Variants in EVC observed in about 807,000 individuals in gnomAD.
EVC encodes the protein evC complex member EVC.
Under a neutral mutation model 118.9 loss-of-function variants are expected in EVC, and 116 were observed. That is an observed-to-expected ratio of 0.98 (90% confidence interval 0.84 to 1.14). The LOEUF (loss-of-function observed/expected upper bound fraction) is 1.14, where lower values mean the gene tolerates loss of function less well. Among genes scored for constraint, EVC ranks in the 50% most tolerant of loss-of-function variants. EVC has a pLI of 0.00. For synonymous variants in EVC, 619 were observed against 534.7 expected, an observed-to-expected ratio of 1.16 and a Z score of -2.18; for missense variants, 1,401 against 1,246.4, an observed-to-expected ratio of 1.12 and a Z score of -1.87.
intron 1 of EVC, among the ~76,000 whole-genome samples, chr4:5,716,085 C>T (rs1339459195): frequency 2.0e-5 from 3 of 152,176 alleles, no homozygotes; most frequent in African/African-American, 7.2e-5. Context: ...GGGTTCCACT[C>T]ACCTGGCACA....
intron 8 of EVC, among the ~76,000 whole-genome samples, chr4:5,751,660 G>A (rs1730389576): frequency 6.6e-6 from 1 of 152,216 alleles, no homozygotes; most frequent in Admixed American, 6.5e-5. Context: ...TGTCTTCAAG[G>A]GCTCTCAGTC....
intron 8 of EVC, among the ~76,000 whole-genome samples, chr4:5,748,519 T>TCCATCCATCCATCTAC (rs1189552283): frequency 1.6e-5 from 2 of 122,670 alleles, no homozygotes; most frequent in African/African-American, 7.1e-5. Context: ...GACCCTTCCA[T>TCCATCCATCCATCTAC]CCATCCATCC....
chr4:5,799,066 CTGAG>C (rs1314433893), intron 15 of EVC, among the ~76,000 whole-genome samples: 2 of 152,196 alleles, frequency 1.3e-5, no homozygotes, highest in African/African-American at 4.8e-5. Flanking sequence ...CCCAGCAGCA[CTGAG>C]TGAGACATGG....
chr4:5,810,682 C>T (rs939739651), intron 20 of EVC, among the ~76,000 whole-genome samples: 1 of 152,204 alleles, frequency 6.6e-6, no homozygotes, highest in African/African-American at 2.4e-5. Flanking sequence ...CCAGATGAGC[C>T]TTGACCTACC....
chr4:5,745,609 G>T (rs929091004), intron 7 of EVC, among the ~76,000 whole-genome samples: 1 of 152,174 alleles, frequency 6.6e-6, no homozygotes, highest in African/African-American at 2.4e-5. Context: ...TCAAAGCAAA[G>T]GTTGCTATAA....
intron 8 of EVC, among the ~76,000 whole-genome samples, chr4:5,750,034 G>A (rs534338041): frequency 6.6e-6 from 1 of 151,972 alleles, no homozygotes; most frequent in African/African-American, 2.4e-5. Flanking sequence ...GCTTTTTCTC[G>A]GTATATACAC....
At position 5,729,290 on chromosome 4, in the gene EVC, G is replaced by A. The variant is rs1184205462; in HGVS notation, c.301-17G>A. On this transcript the variant is annotated splice_polypyrimidine_tract_variant and intron_variant, in intron 2 of 20. Coordinates refer to ENST00000264956, the MANE Select transcript of EVC (RefSeq NM_153717.3). ...TTACAGAAAGTTTCCCATGCCGTTT[G>A]TGTCTTTCCCTCCCAGGAATGTGAG... 6.2e-7 allele frequency: 1 copy of A among 1,613,506 alleles called. No homozygotes were observed. Among genetic ancestry groups the A allele is most frequent in the Admixed American group, 1.7e-5 (1 of 60,024 alleles).
Position 5,741,796 on chromosome 4 carries a change from C to G in EVC, c.783C>G (p.Ile261Met). Residue 261 changes from isoleucine to methionine, a missense_variant, in exon 6 of 21, where the codon ATC (isoleucine) becomes ATG (methionine). By Grantham distance (10) the Ile-to-Met change is conservative. Coordinates refer to ENST00000264956, the MANE Select transcript of EVC (RefSeq NM_153717.3). ...CAGATGATGAACTATACCAGAAGAT[C>G]CTTTCAAAACAAGAAAAAGTAAGTC... ...KKSDDELYQK[I>M]LSKQEKDLEE... 6.6e-7 allele frequency: 1 copy of G among 1,504,334 alleles called. No homozygotes were observed. The highest frequency in any genetic ancestry group is 9.2e-7 in the Non-Finnish European group (1 of 1,082,014). 93.2% of individuals were successfully genotyped at this position (1,504,334 alleles called of 1,614,324 possible).
intron 11 of EVC, among the ~76,000 whole-genome samples, chr4:5,778,184 C>A (rs1444739056): frequency 6.6e-6 from 1 of 151,368 alleles, no homozygotes; most frequent in Non-Finnish European, 1.5e-5. Flanking sequence ...TTTTTTATGG[C>A]TGCATAGTAT....
intron 11 of EVC, among the ~76,000 whole-genome samples, chr4:5,781,974 A>G (rs1373264789): frequency 6.6e-6 from 1 of 152,214 alleles, no homozygotes; most frequent in African/African-American, 2.4e-5. Context: ...GGGTCACTGC[A>G]TTCATGGGGA....
intron 5 of EVC, among the ~76,000 whole-genome samples, chr4:5,735,937 G>A (rs540219558): frequency 5.0e-4 from 76 of 152,288 alleles, no homozygotes; most frequent in African/African-American, 1.4e-3. Flanking sequence ...GCCGCTGGGA[G>A]CTGTGCTGCC....
chr4:5,816,280 A>C (rs548259069), downstream of EVC, among the ~76,000 whole-genome samples: 1 of 152,138 alleles, frequency 6.6e-6, no homozygotes, highest in Non-Finnish European at 1.5e-5. Flanking sequence ...TGTGGTGGCC[A>C]TGAACATGTA....
chr4:5,759,338 C>T (rs1317524397), intron 11 of EVC, among the ~76,000 whole-genome samples: 1 of 151,334 alleles, frequency 6.6e-6, no homozygotes, highest in African/African-American at 2.4e-5. Flanking sequence ...GTCGCCGCAT[C>T]CCAAGGACAT....
At chr4:5,806,791 T>C (rs182419246) in intron 17 of EVC, among the ~76,000 whole-genome samples, 40 of 152,342 alleles carry the variant, frequency 2.6e-4, no homozygotes, top group East Asian at 1.9e-3. Context: ...TGCACTAATA[T>C]ACATTCCCAC....
In EVC at chr4:5,756,796, G is replaced by A. The variant is rs139928361; in HGVS notation, c.1563+434G>A. ...GCAACCGTGTGCAGGTCTGGGGTGGGGAGGTGAAGCTGGCCATGCTTGCCC... is the reference window on the plus strand; with the variant it reads ...GCAACCGTGTGCAGGTCTGGGGTGGAGAGGTGAAGCTGGCCATGCTTGCCC... On this transcript the variant is annotated intron_variant, in intron 11 of 20. Coordinates refer to ENST00000264956, the MANE Select transcript of EVC (RefSeq NM_153717.3). This position sits in a 1 kb window ranked among gnomAD's most constrained non-coding sequence, Gnocchi z 4.2. Among the ~76,000 whole-genome samples the A allele has an allele frequency of 0.017, 2,608 of 152,244 alleles. 72 individuals are homozygous for A. The highest frequency in any genetic ancestry group is 0.058 in the African/African-American group (2,403 of 41,536).
the EVC span, chr4:5,825,767 A>G: frequency 1.8e-6 from 2 of 1,088,652 alleles, no homozygotes; most frequent in Middle Eastern, 2.0e-4. This position sits in a 1 kb window ranked among gnomAD's most constrained non-coding sequence, Gnocchi z 4.4. Flanking sequence ...GGTCACTTCA[A>G]ATGTGCATGC....
intron 1 of EVC, among the ~76,000 whole-genome samples, chr4:5,717,420 C>T: frequency 6.6e-6 from 1 of 152,238 alleles, no homozygotes. Context: ...ATATTAGAGT[C>T]TGTCCTCAAA....
At chr4:5,770,012 G>T (rs535174480) in intron 11 of EVC, among the ~76,000 whole-genome samples, 1 of 152,222 alleles carries the variant, frequency 6.6e-6, no homozygotes, top group East Asian at 1.9e-4. Flanking sequence ...CCAGGCTGAT[G>T]ATAATGGAAG....
chr4:5,748,528 C>T (rs557172182), intron 8 of EVC, among the ~76,000 whole-genome samples: 1 of 151,110 alleles, frequency 6.6e-6, no homozygotes, highest in African/African-American at 2.4e-5. Flanking sequence ...ATCCATCCAT[C>T]CATCTACCCA....
Sources: gnomAD v4.1 joint callset for allele counts (sites outside exome capture counted in the v4.1 genomes callset) on GRCh38, gnomAD v4.1.1 for gene constraint, Gnocchi (gnomAD v3.1) non-coding constraint, MANE v1.5 for transcripts, NCBI Gene and HGNC (gene_info 2026-07-23, HGNC 2026-07-21) for gene names.